PDLIM5: variants seen among roughly 807,000 people sequenced by gnomAD.
The protein encoded by PDLIM5 is PDZ and LIM domain 5, also known as PDZ and LIM domain protein 5.
In PDLIM5, 34 loss-of-function variants were observed where a neutral mutation model predicts 64.2. The observed-to-expected ratio is 0.53, with a 90% CI of 0.40 to 0.71. The LOEUF (loss-of-function observed/expected upper bound fraction) is 0.71. Ranked by LOEUF, PDLIM5 falls within the 30% of genes least tolerant of loss-of-function variation. The pLI is 0.00. For missense variants in PDLIM5, 683 were observed against 733.6 expected (o/e 0.93, Z 0.80); for synonymous variants, 253 against 269.1 (o/e 0.94, Z 0.59).
chr4:94,512,187 A>C (rs956778456), intron 2 of PDLIM5, among the ~76,000 whole-genome samples: 1 of 151,868 alleles, frequency 6.6e-6, no homozygotes, highest in Non-Finnish European at 1.5e-5. Flanking sequence ...CACCCGGCTA[A>C]TTTTTGTAAT....
intron 2 of PDLIM5, among the ~76,000 whole-genome samples, chr4:94,468,407 C>T (rs924574698): frequency 6.6e-6 from 1 of 152,128 alleles, no homozygotes; most frequent in Admixed American, 6.5e-5. Flanking sequence ...TCTGGGATTA[C>T]AAGAATGAGC....
chr4:94,542,331 T>TAAAG (rs1340209063), intron 3 of PDLIM5, among the ~76,000 whole-genome samples: 2 of 151,102 alleles, frequency 1.3e-5, no homozygotes, highest in East Asian at 3.9e-4. Context: ...AATAAATAAA[T>TAAAG]AAAGTAAGTA....
intron 2 of PDLIM5, chr4:94,456,988 T>A: frequency 2.0e-6 from 2 of 985,068 alleles, no homozygotes; most frequent in Non-Finnish European, 2.4e-6. Flanking sequence ...AATAATTCAC[T>A]TTACCTTAAA....
At chr4:94,602,185 C>T (rs1294985063) in intron 7 of PDLIM5, among the ~76,000 whole-genome samples, 2 of 152,098 alleles carry the variant, frequency 1.3e-5, no homozygotes, top group Admixed American at 6.5e-5. Context: ...ATTGAAAACT[C>T]GTCGTGTGGG....
At chr4:94,579,592 G>A (rs1003235090) in intron 5 of PDLIM5, 3 of 914,970 alleles carry the variant, frequency 3.3e-6, no homozygotes, top group African/African-American at 3.5e-5. Context: ...TGAGTAAACA[G>A]CATGAATGCC....
chr4:94,662,978 C>T (rs1386427038), intron 12 of PDLIM5, among the ~76,000 whole-genome samples: 2 of 152,072 alleles, frequency 1.3e-5, no homozygotes, highest in East Asian at 1.9e-4. Flanking sequence ...TTAGCAATAG[C>T]CCCTGGATAT....
At chr4:94,603,726 T>C (rs1049226184) in intron 7 of PDLIM5, among the ~76,000 whole-genome samples, 3 of 152,148 alleles carry the variant, frequency 2.0e-5, no homozygotes, top group Non-Finnish European at 2.9e-5. Flanking sequence ...CTTTTTTCCT[T>C]GGTATATTCC....
intron 11 of PDLIM5, among the ~76,000 whole-genome samples, chr4:94,659,311 G>A (rs72880463): frequency 0.041 from 6,266 of 152,032 alleles, 458 homozygotes; most frequent in African/African-American, 0.14. Flanking sequence ...TACCTCCAAC[G>A]TATATCATAT....
intron 8 of PDLIM5, among the ~76,000 whole-genome samples, chr4:94,619,567 T>C (rs1394010056): frequency 6.6e-6 from 1 of 151,530 alleles, no homozygotes; most frequent in Non-Finnish European, 1.5e-5. Context: ...ATGAACCCGG[T>C]AGGTGGAGCT....
chr4:94,512,102 C>T (rs1056612384), intron 2 of PDLIM5, among the ~76,000 whole-genome samples: 1 of 151,762 alleles, frequency 6.6e-6, no homozygotes, highest in East Asian at 1.9e-4. Context: ...CTCACTGCAA[C>T]GTCCACCTCC....
chr4:94,639,892 T>C (rs895671065), intron 8 of PDLIM5, among the ~76,000 whole-genome samples: 1 of 151,990 alleles, frequency 6.6e-6, no homozygotes, highest in African/African-American at 2.4e-5. Context: ...CCAGGCATGG[T>C]GGTGCATGCC....
Position 94,610,335 on chromosome 4 carries a change from G to A in PDLIM5, c.921-7669G>A, listed in dbSNP as rs1401584677. 4 of 1,425,734 alleles carry A rather than the reference G, an allele frequency of 2.8e-6. 1 individual carries two copies. The African/African-American group carries it at 4.3e-5, about 15-fold the overall frequency. 88.3% of individuals were successfully genotyped at this position (1,425,734 alleles called of 1,614,324 possible). ...ACTACACGTACAGCGTCTGTCTGAT[G>A]TGATCTCAGCGCTCTTCACTGTCTT... is the stretch of plus-strand genomic sequence containing the variant. On this transcript the variant is annotated intron_variant, in intron 7 of 12. Coordinates refer to ENST00000317968, the MANE Select transcript of PDLIM5 (RefSeq NM_006457.5).
In PDLIM5 at chr4:94,639,295, G is replaced by A. The variant is rs185765213; in HGVS notation, c.1109-981G>A. 2.4e-3 allele frequency among the ~76,000 whole-genome samples: 358 copies of A among 152,292 alleles called. 2 individuals carry two copies. The highest frequency in any genetic ancestry group is 8.3e-3 in the African/African-American group (343 of 41,566). ...CACTGGGGGGATTTGTATGCAGCAC[G>A]TGGAAGCAGGGACTACATTCAGGGG... On this transcript the variant is annotated intron_variant, in intron 8 of 12. Coordinates refer to ENST00000317968, the MANE Select transcript of PDLIM5 (RefSeq NM_006457.5).
At chr4:94,598,018 T>C (rs945974202) in intron 7 of PDLIM5, among the ~76,000 whole-genome samples, 3 of 152,230 alleles carry the variant, frequency 2.0e-5, no homozygotes, top group Middle Eastern at 3.4e-3. Context: ...TAAAATTCCT[T>C]TGAATTTAAT....
intron 3 of PDLIM5, among the ~76,000 whole-genome samples, chr4:94,565,658 C>A (rs1267042687): frequency 6.6e-6 from 1 of 152,144 alleles, no homozygotes; most frequent in Non-Finnish European, 1.5e-5. Flanking sequence ...CACTAAGGAA[C>A]CTCCAACCCC....
intron 7 of PDLIM5, among the ~76,000 whole-genome samples, chr4:94,594,646 T>C (rs903596532): frequency 2.0e-5 from 3 of 152,194 alleles, no homozygotes; most frequent in Non-Finnish European, 4.4e-5. Flanking sequence ...TGTCAAAGTA[T>C]ATTTAAGTTA....
chr4:94,592,460 A>G (rs1736738476), intron 7 of PDLIM5, among the ~76,000 whole-genome samples: 1 of 152,178 alleles, frequency 6.6e-6, no homozygotes, highest in African/African-American at 2.4e-5. Context: ...TAGCCTTTGG[A>G]AATGTGTAGG....
chr4:94,512,441 A>G (rs1435612803), intron 2 of PDLIM5, among the ~76,000 whole-genome samples: 1 of 152,086 alleles, frequency 6.6e-6, no homozygotes. Context: ...AGCATTTGTT[A>G]TTGCCTGTAT....
intron 3 of PDLIM5, among the ~76,000 whole-genome samples, chr4:94,567,254 A>G (rs1180151252): frequency 1.3e-5 from 2 of 152,130 alleles, no homozygotes; most frequent in Non-Finnish European, 2.9e-5. Context: ...TGGCCTCCCA[A>G]CTGTATTTGT....
Sources: gnomAD v4.1 joint callset for allele counts (sites outside exome capture counted in the v4.1 genomes callset) on GRCh38, gnomAD v4.1.1 for gene constraint, MANE v1.5 for transcripts, NCBI Gene and HGNC (gene_info 2026-07-23, HGNC 2026-07-21) for gene names.